Variants in PRDM11 observed in about 807,000 individuals in gnomAD.
PRDM11 encodes the protein PR domain-containing protein 11.
Under a neutral mutation model 97.8 loss-of-function variants are expected in PRDM11, and 20 were observed. The observed-to-expected ratio is 0.20, with a 90% CI of 0.14 to 0.30. The LOEUF (loss-of-function observed/expected upper bound fraction) is 0.30. Among genes scored for constraint, PRDM11 ranks in the 10% least tolerant of loss-of-function variants. The probability of loss-of-function intolerance (pLI) is 1.00; values close to 1 mark genes in which losing one functional copy is unlikely to be tolerated. For synonymous variants in PRDM11, 599 were observed against 637.7 expected (o/e 0.94, Z 0.91); for missense variants, 1,139 against 1,555.2 (o/e 0.73, Z 4.50).
upstream of PRDM11, among the ~76,000 whole-genome samples, chr11:45,146,247 C>A (rs1192400432): frequency 2.6e-5 from 4 of 152,120 alleles, no homozygotes; most frequent in South Asian, 2.1e-4. Context: ...GGTTAAAAAT[C>A]CAAACGCGTC....
At chr11:45,195,811 A>T (rs897977727) in intron 4 of PRDM11, among the ~76,000 whole-genome samples, 2 of 151,994 alleles carry the variant, frequency 1.3e-5, no homozygotes, top group Non-Finnish European at 2.9e-5. Context: ...CCTAGCCTCA[A>T]GTGATCCACC....
intron 6 of PRDM11, among the ~76,000 whole-genome samples, chr11:45,223,348 G>A (rs1042608755): frequency 6.6e-6 from 1 of 152,192 alleles, no homozygotes; most frequent in African/African-American, 2.4e-5. Context: ...AATAATTTAT[G>A]GTTCAGGAGC....
chr11:45,182,533 A>G (rs1169138502), intron 3 of PRDM11, among the ~76,000 whole-genome samples, 184 bp downstream of exon 3: 2 of 152,182 alleles, frequency 1.3e-5, no homozygotes, highest in African/African-American at 4.8e-5. Context: ...CCCATTTTCC[A>G]GATAGCACAC....
At chr11:45,187,083 C>T (rs1852730275) in intron 4 of PRDM11, among the ~76,000 whole-genome samples, 1 of 152,174 alleles carries the variant, frequency 6.6e-6, no homozygotes, top group African/African-American at 2.4e-5. Flanking sequence ...GCTGTCTGTT[C>T]TTATGGAGCC....
intron 7 of PRDM11, 115 bp downstream of exon 7, chr11:45,224,958 C>A: frequency 6.4e-7 from 1 of 1,564,794 alleles, no homozygotes; most frequent in South Asian, 1.2e-5. Context: ...AGGAGTGTAA[C>A]GTGGAGGCGG....
chr11:45,152,396 C>T (rs1851681367), intron 1 of PRDM11, among the ~76,000 whole-genome samples: 1 of 152,138 alleles, frequency 6.6e-6, no homozygotes, highest in Non-Finnish European at 1.5e-5. Flanking sequence ...AAATTGCAAC[C>T]CACCCCAACA....
In PRDM11 at chr11:45,234,711, G is replaced by A. The variant is rs538149752; in HGVS notation, c.*6552G>A. On this transcript the variant is annotated 3_prime_UTR_variant, in exon 8 of 8. Transcript: ENST00000683152. ...CAATACTGCTCACCAAAAGACAAAG[G>A]CCAGGCTGCCCTCGGGCACCTCTCA... 1 of 152,274 alleles carries A rather than the reference G, an allele frequency of 6.6e-6. No homozygotes were observed. Among genetic ancestry groups the A allele is most frequent in the Admixed American group, 6.5e-5 (1 of 15,294 alleles). The allele number at this position is 152,274 out of a possible 1,614,324, so 9.4% of individuals were successfully genotyped here. A position where few individuals can be genotyped will look rare whatever the true frequency, so the allele number is the denominator to read the frequency against.
chr11:45,117,339 T>C (rs1246625833), intron 1 of PRDM11, among the ~76,000 whole-genome samples: 3 of 151,064 alleles, frequency 2.0e-5, no homozygotes, highest in Non-Finnish European at 4.4e-5. Flanking sequence ...TAAATATCCA[T>C]AAGTCCATAC....
intron 1 of PRDM11, among the ~76,000 whole-genome samples, chr11:45,126,086 A>G (rs916975739): frequency 6.6e-5 from 10 of 152,158 alleles, no homozygotes; most frequent in Non-Finnish European, 8.8e-5. Flanking sequence ...TCCTTTTACC[A>G]TTATGTAATG....
At chr11:45,099,692 C>T (rs1205540991) in intron 1 of PRDM11, among the ~76,000 whole-genome samples, 1 of 152,122 alleles carries the variant, frequency 6.6e-6, no homozygotes, top group Non-Finnish European at 1.5e-5. Context: ...TCCCCTCAAG[C>T]ATTTATTCTT....
rs767926626 is a variant in PRDM11 at position 45,227,757 on chromosome 11, C to G, written c.3132C>G (p.Leu1044=). The G allele has an allele frequency of 9.1e-6, 14 of 1,533,862 alleles. No homozygotes were observed. Among genetic ancestry groups the G allele is most frequent in the Non-Finnish European group, 1.2e-5 (14 of 1,146,698 alleles). ...GTCTGTTGATGGAGTGGCGAGAACT[C>G]AAGGCTGATTACTACACCAAAAATG... The part of the protein sequence containing the change: ...RGSLLMEWRE[L]KADYYTKNGF... Residue 1044 remains leucine, a synonymous_variant, in exon 8 of 8, where the codon CTC becomes CTG. Coordinates refer to ENST00000683152, the MANE Select transcript of PRDM11 (RefSeq NM_001384648.1). The surrounding 1 kb of genome is among the most constrained non-coding windows in gnomAD (Gnocchi z 8.0).
At chr11:45,132,157 C>G (rs948066296) in intron 1 of PRDM11, among the ~76,000 whole-genome samples, 1 of 152,218 alleles carries the variant, frequency 6.6e-6, no homozygotes, top group Admixed American at 6.5e-5. Context: ...CTGTCATTAT[C>G]TTAAACCAAT....
At position 45,096,886 on chromosome 11, in the gene PRDM11, G is replaced by A. The variant is rs190047450; in HGVS notation, c.96+985G>A. On this transcript the variant is annotated intron_variant, in intron 1 of 6. Coordinates refer to the PRDM11 transcript ENST00000530656. ...TGCCAGGCCTGTTTCAGGAACTCCT[G>A]CCTGCTCATCTCACATGATCTTCAT... Among the ~76,000 whole-genome samples the A allele has an allele frequency of 3.8e-3, 576 of 152,294 alleles. 8 individuals are homozygous for A. Among genetic ancestry groups the A allele is most frequent in the South Asian group, 0.026 (124 of 4,816 alleles).
chr11:45,207,247 C>T (rs1853547474), intron 5 of PRDM11, among the ~76,000 whole-genome samples: 1 of 152,212 alleles, frequency 6.6e-6, no homozygotes, highest in African/African-American at 2.4e-5. Context: ...CTTGCAGATG[C>T]TCTCCTTTGC....
Position 45,177,425 on chromosome 11 carries a change from C to G in PRDM11, c.-6-4336C>G, listed in dbSNP as rs571051092. Among the ~76,000 whole-genome samples, 22 of 152,326 alleles carry G rather than the reference C, an allele frequency of 1.4e-4. 1 individual carries two copies. Among genetic ancestry groups the G allele is most frequent in the Admixed American group, 2.6e-4 (4 of 15,306 alleles). The stretch of plus-strand genomic sequence containing the variant: ...CATTCTTCAGAAAAGGCAACAGGGG[C>G]TTTACCTGGGCCAGGCCTTAGAGTG... On this transcript the variant is annotated intron_variant, in intron 1 of 7. Coordinates refer to ENST00000683152, the MANE Select transcript of PRDM11 (RefSeq NM_001384648.1).
intron 1 of PRDM11, among the ~76,000 whole-genome samples, chr11:45,114,212 GAATA>G (rs1719669735): frequency 6.6e-6 from 1 of 152,050 alleles, no homozygotes; most frequent in African/African-American, 2.4e-5. Flanking sequence ...TATAATGAAT[GAATA>G]GAGGGAAAAT....
At chr11:45,113,817 TGTG>T (rs1344012840) in intron 1 of PRDM11, among the ~76,000 whole-genome samples, 23 of 130,490 alleles carry the variant, frequency 1.8e-4, no homozygotes, top group African/African-American at 4.5e-4. Flanking sequence ...TGTGTGTGTG[TGTG>T]TGTGTTTTGT....
In PRDM11 at chr11:45,233,971, A is replaced by C. The variant is rs117878050; in HGVS notation, c.*5812A>C. On this transcript the variant is annotated 3_prime_UTR_variant, in exon 8 of 8. Transcript: ENST00000683152. Reference sequence around the variant, plus strand: ...CACTCCCGCCGTAACAGGCAGGTTTAGTTCACATACACTGTTCGCATTCTG... The same window carrying C: ...CACTCCCGCCGTAACAGGCAGGTTTCGTTCACATACACTGTTCGCATTCTG... The C allele has an allele frequency of 0.012, 1,886 of 152,422 alleles. 19 individuals are homozygous for C. The highest frequency in any genetic ancestry group is 0.024 in the Middle Eastern group (7 of 294). The allele number at this position is 152,422 out of a possible 1,614,324, so 9.4% of individuals were successfully genotyped here. A position where few individuals can be genotyped will look rare whatever the true frequency, so the allele number is the denominator to read the frequency against.
intron 6 of PRDM11, among the ~76,000 whole-genome samples, chr11:45,220,456 C>G (rs961658657): frequency 6.6e-6 from 1 of 152,232 alleles, no homozygotes; most frequent in African/African-American, 2.4e-5. Flanking sequence ...CAGCTATAAA[C>G]TTTTAATACT....
Sources: gnomAD v4.1 joint callset for allele counts (sites outside exome capture counted in the v4.1 genomes callset) on GRCh38, gnomAD v4.1.1 for gene constraint, Gnocchi (gnomAD v3.1) non-coding constraint, MANE v1.5 for transcripts, NCBI Gene and HGNC (gene_info 2026-07-23, HGNC 2026-07-21) for gene names.